The following DPP10 variants were observed in gnomAD, a reference collection of about 807,000 sequenced individuals.
DPP10 encodes dipeptidyl peptidase like 10.
DPP10 carries 33 observed loss-of-function variants against 120.9 expected under a neutral mutation model. The observed-to-expected ratio is 0.27, with a 90% CI of 0.21 to 0.37. The LOEUF is 0.37. Among genes scored for constraint, DPP10 ranks in the 10% least tolerant of loss-of-function variants. The probability of loss-of-function intolerance (pLI) is 1.00; values close to 1 mark genes in which losing one functional copy is unlikely to be tolerated. For missense variants in DPP10, 816 were observed against 942.8 expected (o/e 0.87, Z 1.76); for synonymous variants, 337 against 326.1 (o/e 1.03, Z -0.36).
chr2:115,788,899 G>A (rs984778649), intron 17 of DPP10, among the ~76,000 whole-genome samples: 3 of 151,956 alleles, frequency 2.0e-5, no homozygotes, highest in Admixed American at 6.6e-5. Context: ...GGTGGAGATC[G>A]TGAGGTCAGG....
intron 7 of DPP10, among the ~76,000 whole-genome samples, chr2:115,720,598 C>A (rs1419547205): frequency 6.6e-6 from 1 of 151,870 alleles, no homozygotes; most frequent in African/African-American, 2.4e-5. Flanking sequence ...TTAATATGGT[C>A]TATATGATAA....
chr2:114,740,260 A>G (rs1677894635), intron 1 of DPP10, among the ~76,000 whole-genome samples: 2 of 151,148 alleles, frequency 1.3e-5, no homozygotes, highest in African/African-American at 4.9e-5. Context: ...TGTAAGGACA[A>G]AAAACCAAAC....
intron 1 of DPP10, among the ~76,000 whole-genome samples, chr2:114,793,158 A>T (rs1574201009): frequency 6.6e-6 from 1 of 152,068 alleles, no homozygotes; most frequent in Admixed American, 6.6e-5. Flanking sequence ...TTGATTTTTT[A>T]AAATTATACT....
chr2:115,379,269 G>T (rs1227411164), intron 3 of DPP10, among the ~76,000 whole-genome samples: 1 of 152,140 alleles, frequency 6.6e-6, no homozygotes, highest in African/African-American at 2.4e-5. Context: ...CTTCTTCCTG[G>T]TTTAGTCTTG....
At chr2:115,535,227 A>G (rs1484121338) in intron 5 of DPP10, among the ~76,000 whole-genome samples, 1 of 151,098 alleles carries the variant, frequency 6.6e-6, no homozygotes, top group Non-Finnish European at 1.5e-5. Flanking sequence ...GTTTTCTTCT[A>G]GGGTTTTTAT....
chr2:114,733,122 C>T (rs1414294289), intron 1 of DPP10, among the ~76,000 whole-genome samples: 2 of 152,100 alleles, frequency 1.3e-5, no homozygotes, highest in African/African-American at 2.4e-5. Flanking sequence ...GTAGGTGGTG[C>T]GAGAAGGGAG....
At chr2:114,901,326 C>A (rs956183994) in intron 1 of DPP10, among the ~76,000 whole-genome samples, 9 of 152,024 alleles carry the variant, frequency 5.9e-5, no homozygotes, top group African/African-American at 1.9e-4. Flanking sequence ...GCCTCCCGAG[C>A]AGATGGGACT....
At chr2:115,323,986 C>T (rs2062204302) in intron 2 of DPP10, among the ~76,000 whole-genome samples, 1 of 152,126 alleles carries the variant, frequency 6.6e-6, no homozygotes, top group South Asian at 2.1e-4. Context: ...GCTGCATTAG[C>T]CCCTAATAGG....
At chr2:115,079,445 G>C (rs1470651068) in intron 1 of DPP10, among the ~76,000 whole-genome samples, 2 of 152,104 alleles carry the variant, frequency 1.3e-5, no homozygotes, top group Non-Finnish European at 2.9e-5. Context: ...CTAGGACACA[G>C]TGTTGCCTGC....
chr2:115,807,381 T>A (rs1686111475), intron 19 of DPP10, among the ~76,000 whole-genome samples: 1 of 152,194 alleles, frequency 6.6e-6, no homozygotes. Flanking sequence ...TAACAGTCCA[T>A]TTCTGAGTTT....
At chr2:115,479,505 T>A (rs1281078183) in intron 3 of DPP10, among the ~76,000 whole-genome samples, 1 of 152,148 alleles carries the variant, frequency 6.6e-6, no homozygotes, top group Non-Finnish European at 1.5e-5. Context: ...TATCCAACAA[T>A]ATGAATGTAC....
chr2:114,664,399 C>T (rs1011933032), intron 1 of DPP10, among the ~76,000 whole-genome samples: 2 of 151,856 alleles, frequency 1.3e-5, no homozygotes, highest in Admixed American at 6.6e-5. Context: ...GAGGCCGAGG[C>T]GGATGGATCA....
In DPP10 at chr2:115,836,563, C is replaced by G. The variant is rs1392670412; in HGVS notation, c.2107C>G (p.Gln703Glu). Residue 703 changes from glutamine (Q) to glutamate (E), a missense_variant and splice_region_variant, in exon 23 of 26, where the codon CAG (glutamine) becomes GAG (glutamate). By Grantham distance (29) the Gln-to-Glu change is conservative. This residue lies in a region of DPP10 where 592 missense variants were observed against 649.0 expected (regional missense o/e 0.91). Coordinates refer to ENST00000410059, the MANE Select transcript of DPP10 (RefSeq NM_020868.6). The stretch of plus-strand genomic sequence containing the variant: ...GCCATCTAAGGAAGAAAGCACTTAC[C>G]AGGTAACTAATTTGAAAATAACAAA... ...GMPSKEESTY[Q>E]AASVLHNVHG... 6.2e-7 allele frequency: 1 copy of G among 1,613,430 alleles called. No homozygotes were observed. The highest frequency in any genetic ancestry group is 1.7e-5 in the Admixed American group (1 of 59,924).
chr2:115,103,307 C>A (rs982403500), intron 1 of DPP10, among the ~76,000 whole-genome samples: 7 of 151,784 alleles, frequency 4.6e-5, no homozygotes, highest in African/African-American at 1.2e-4. Context: ...CCTGCCTCAG[C>A]CTCCAAAGTA....
chr2:114,700,636 C>G (rs560762840), intron 1 of DPP10, among the ~76,000 whole-genome samples: 5 of 152,050 alleles, frequency 3.3e-5, no homozygotes, highest in Non-Finnish European at 4.4e-5. Context: ...TATTTGACCA[C>G]GTCACTTCCT....
Position 115,630,184 on chromosome 2 carries a change from AT to A in DPP10, c.442-59500del, listed in dbSNP as rs779336944. Among the ~76,000 whole-genome samples, 193 of 152,144 alleles carry A rather than the reference AT, an allele frequency of 1.3e-3. 1 individual carries two copies. Among genetic ancestry groups the A allele is most frequent in the Middle Eastern group, 3.4e-3 (1 of 294 alleles). ...TTGTAGCAATTGTGAATGGGAGTTCATTTATGATTTTGCTCTCTGCTTGTCT... is the reference window on the plus strand; with the variant it reads ...TTGTAGCAATTGTGAATGGGAGTTCATTATGATTTTGCTCTCTGCTTGTCT... On this transcript the variant is annotated intron_variant, in intron 5 of 25. Coordinates refer to ENST00000410059, the MANE Select transcript of DPP10 (RefSeq NM_020868.6).
intron 5 of DPP10, among the ~76,000 whole-genome samples, chr2:115,556,775 G>A (rs1397687280): frequency 3.3e-5 from 5 of 152,042 alleles, no homozygotes; most frequent in South Asian, 2.1e-4. Context: ...CCAAGGTAAC[G>A]TCAGCATTTC....
intron 1 of DPP10, among the ~76,000 whole-genome samples, chr2:114,604,419 G>T (rs554516417): frequency 1.3e-5 from 2 of 151,996 alleles, no homozygotes; most frequent in African/African-American, 2.4e-5. Flanking sequence ...ACATAGTTGC[G>T]TGCCAGGACA....
intron 1 of DPP10, among the ~76,000 whole-genome samples, chr2:114,611,629 A>G (rs1014926541): frequency 2.6e-4 from 39 of 152,230 alleles, no homozygotes; most frequent in African/African-American, 8.9e-4. Flanking sequence ...TTGAAAAACA[A>G]CTTTTCTAAT....
Sources: gnomAD v4.1 joint callset for allele counts (sites outside exome capture counted in the v4.1 genomes callset) on GRCh38, gnomAD v4.1.1 for gene constraint, gnomAD v4.1.1 regional missense constraint, MANE v1.5 for transcripts, NCBI Gene and HGNC (gene_info 2026-07-23, HGNC 2026-07-21) for gene names.